The following IL2RA variants were observed in gnomAD, a reference collection of about 807,000 sequenced individuals.
IL2RA encodes the protein interleukin 2 receptor subunit alpha, also known as interleukin-2 receptor subunit alpha.
A neutral mutation model predicts 37.8 loss-of-function variants in IL2RA; 24 were observed. That is an observed-to-expected ratio of 0.63 (90% CI 0.46 to 0.89). The LOEUF is 0.89. IL2RA is among the 40% of genes least tolerant of loss of function. The pLI, the probability that IL2RA is intolerant of heterozygous loss-of-function variation, is 0.00. For synonymous variants in IL2RA, 125 were observed against 114.6 expected (o/e 1.09, Z -0.58); for missense variants, 319 against 348.6 (o/e 0.92, Z 0.68).
At chr10:6,039,113 AG>A (rs1839732562) in intron 1 of IL2RA, among the ~76,000 whole-genome samples, 1 of 152,244 alleles carries the variant, frequency 6.6e-6, no homozygotes, top group Admixed American at 6.5e-5. Context: ...ATGCTCCAAA[AG>A]TTTGAAACTA....
chr10:6,040,213 A>G (rs1839750999), intron 1 of IL2RA, among the ~76,000 whole-genome samples: 1 of 152,232 alleles, frequency 6.6e-6, no homozygotes, highest in African/African-American at 2.4e-5. Context: ...CAATGATAAA[A>G]TATATAGTTA....
chr10:6,039,830 G>C (rs897463829), intron 1 of IL2RA: 5 of 152,192 alleles, frequency 3.3e-5, no homozygotes, highest in Non-Finnish European at 7.3e-5. Context: ...TTACCATGCT[G>C]ATATGTCCTT....
intron 1 of IL2RA, among the ~76,000 whole-genome samples, chr10:6,040,374 T>C (rs773922806): frequency 6.6e-6 from 1 of 152,248 alleles, no homozygotes; most frequent in Non-Finnish European, 1.5e-5. Flanking sequence ...TGTATTCACA[T>C]TAATAGATTA....
Position 6,021,365 on chromosome 10 carries a change from C to G in IL2RA, c.583+113G>C. On this transcript the variant is annotated intron_variant, in intron 4 of 7. Transcript: ENST00000379959. The surrounding 1 kb of genome is among the most constrained non-coding windows in gnomAD (Gnocchi z 4.9). ...AGAAAAAATGGAAGCCCAGGGAGATCAAGGGTCTTGTCCAAGGACCACTCT... is the reference window on the plus strand; with the variant it reads ...AGAAAAAATGGAAGCCCAGGGAGATGAAGGGTCTTGTCCAAGGACCACTCT... 3 of 915,332 alleles carry G rather than the reference C, an allele frequency of 3.3e-6. No individual in the cohort carries two copies. Among genetic ancestry groups the G allele is most frequent in the Non-Finnish European group, 5.4e-6 (3 of 553,844 alleles). 56.7% of individuals were successfully genotyped at this position (915,332 alleles called of 1,614,324 possible). A position where few individuals can be genotyped will look rare whatever the true frequency, so the allele number is the denominator to read the frequency against.
intron 1 of IL2RA, among the ~76,000 whole-genome samples, chr10:6,042,541 T>G (rs1839788667): frequency 6.6e-6 from 1 of 151,974 alleles, no homozygotes; most frequent in Non-Finnish European, 1.5e-5. Context: ...CAAAAGAAAT[T>G]AGAGGAATAA....
At position 6,058,409 on chromosome 10, in the gene IL2RA, T is replaced by C. The variant is rs901104158; in HGVS notation, c.64+3679A>G. ...AAACTGCCTATTTAAGGCATGCTGTTTTAAGGAAAGTAGCAACTGTCTTAT... is the reference window on the plus strand; with the variant it reads ...AAACTGCCTATTTAAGGCATGCTGTCTTAAGGAAAGTAGCAACTGTCTTAT... On this transcript the variant is annotated intron_variant, in intron 1 of 7. Coordinates refer to ENST00000379959, the MANE Select transcript of IL2RA (RefSeq NM_000417.3). This position sits in a 1 kb window ranked among gnomAD's most constrained non-coding sequence, Gnocchi z 4.2. Among the ~76,000 whole-genome samples, 2 of 152,202 alleles carry C rather than the reference T, an allele frequency of 1.3e-5. No individual in the cohort carries two copies. Among genetic ancestry groups the C allele is most frequent in the African/African-American group, 4.8e-5 (2 of 41,458 alleles).
chr10:6,016,788 G>T (rs1294419598), intron 7 of IL2RA, among the ~76,000 whole-genome samples: 1 of 152,082 alleles, frequency 6.6e-6, no homozygotes, highest in African/African-American at 2.4e-5. Context: ...TGTCCAGCCT[G>T]GTCCTGAACT....
At chr10:6,045,113 G>A (rs1320768989) in intron 1 of IL2RA, among the ~76,000 whole-genome samples, 1 of 152,166 alleles carries the variant, frequency 6.6e-6, no homozygotes, top group Non-Finnish European at 1.5e-5. Flanking sequence ...CTTCAAGGAG[G>A]AGATCTCCGA....
At chr10:6,034,605 C>T (rs1414728190) in intron 1 of IL2RA, among the ~76,000 whole-genome samples, 1 of 152,140 alleles carries the variant, frequency 6.6e-6, no homozygotes, top group Non-Finnish European at 1.5e-5. Context: ...CCTATATTAT[C>T]ATTCTTTTAT....
chr10:6,019,277 T>C (rs781073480), intron 6 of IL2RA, 151 bp downstream of exon 6: 2 of 762,172 alleles, frequency 2.6e-6, no homozygotes, highest in Non-Finnish European at 4.9e-6. Flanking sequence ...CGAACCAACT[T>C]ACCAATCAAC....
chr10:6,020,239 A>G lies in IL2RA; in HGVS notation c.584-298T>C, dbSNP rs576836081. Among the ~76,000 whole-genome samples, 5 of 152,278 alleles carry G rather than the reference A, an allele frequency of 3.3e-5. No individual in the cohort carries two copies. In the East Asian group the frequency reaches 9.6e-4, roughly 29 times the overall value. On this transcript the variant is annotated intron_variant, in intron 4 of 7. Coordinates refer to ENST00000379959, the MANE Select transcript of IL2RA (RefSeq NM_000417.3). This position sits in a 1 kb window ranked among gnomAD's most constrained non-coding sequence, Gnocchi z 5.6. ...TCCCCAGTCCTGGTTTCCATCTGTGACTTGGAAACAGGTCATAATAATACG... is the reference window on the plus strand; with the variant it reads ...TCCCCAGTCCTGGTTTCCATCTGTGGCTTGGAAACAGGTCATAATAATACG...
At chr10:6,051,526 C>CTTT (rs1312667850) in intron 1 of IL2RA, among the ~76,000 whole-genome samples, 1 of 117,156 alleles carries the variant, frequency 8.5e-6, no homozygotes, top group African/African-American at 3.2e-5. Context: ...TATTTTTTTT[C>CTTT]TTTTTTTTTT....
chr10:6,015,735 T>C lies in IL2RA; in HGVS notation c.794+2318A>G, dbSNP rs1839264870. 1.3e-5 allele frequency among the ~76,000 whole-genome samples: 2 copies of C among 152,220 alleles called. No individual in the cohort carries two copies. The highest frequency in any genetic ancestry group is 4.1e-4 in the South Asian group (2 of 4,822). ...GTTTCTTTATGTTCCTACAGATGAT[T>C]CTGGTGCTAGTTCAAGTTTGAAAAC... On this transcript the variant is annotated intron_variant, in intron 7 of 7. Coordinates refer to ENST00000379959, the MANE Select transcript of IL2RA (RefSeq NM_000417.3). The surrounding 1 kb of genome is among the most constrained non-coding windows in gnomAD (Gnocchi z 4.9).
At chr10:6,039,684 T>A (rs1017524201) in intron 1 of IL2RA, 4 of 152,224 alleles carry the variant, frequency 2.6e-5, no homozygotes, top group African/African-American at 9.7e-5. Context: ...GGTGTCAGAA[T>A]CTTCCTCCTC....
At chr10:6,016,124 T>C (rs1048353930) in intron 7 of IL2RA, among the ~76,000 whole-genome samples, 2 of 152,124 alleles carry the variant, frequency 1.3e-5, no homozygotes, top group Admixed American at 6.5e-5. Flanking sequence ...AGGTGAGATC[T>C]TGAAGAGGTG....
At chr10:6,016,429 G>C (rs12722593) in intron 7 of IL2RA, among the ~76,000 whole-genome samples, 4,394 of 152,264 alleles carry the variant, frequency 0.029, 98 homozygotes, top group South Asian at 0.12. Context: ...TGTTACAGTA[G>C]CACAAAATGG....
rs929380338 is a variant in IL2RA, at chr10:6,058,122, G to A, written c.64+3966C>T. Among the ~76,000 whole-genome samples the A allele has an allele frequency of 4.3e-4, 65 of 152,044 alleles. No individual in the cohort carries two copies. The highest frequency in any genetic ancestry group is 1.5e-3 in the African/African-American group (63 of 41,448). ...AGCCTGAGTGACAGAGTGAGACCCT[G>A]TCTCAAAAAGGAAGAGAAAAAAAAA... is the stretch of plus-strand genomic sequence containing the variant. On this transcript the variant is annotated intron_variant, in intron 1 of 7. Transcript: ENST00000379959. The surrounding 1 kb of genome is among the most constrained non-coding windows in gnomAD (Gnocchi z 4.2).
intron 1 of IL2RA, among the ~76,000 whole-genome samples, chr10:6,055,708 G>A (rs1840032307): frequency 3.0e-5 from 1 of 32,914 alleles, no homozygotes; most frequent in African/African-American, 5.4e-5. Context: ...CGCTCTCAAT[G>A]AGCTGTTGGG....
intron 7 of IL2RA, among the ~76,000 whole-genome samples, chr10:6,017,551 T>C (rs1839299773): frequency 6.6e-6 from 1 of 151,320 alleles, no homozygotes; most frequent in African/African-American, 2.4e-5. Flanking sequence ...TCCTTTGCCT[T>C]CCCATTTCCC....
Sources: allele counts gnomAD v4.1 joint callset (sites outside exome capture counted in the v4.1 genomes callset), GRCh38; gene constraint gnomAD v4.1.1; non-coding constraint Gnocchi (gnomAD v3.1); transcripts MANE v1.5; gene names NCBI Gene and HGNC (gene_info 2026-07-23, HGNC 2026-07-21).